The following ST14 variants were observed in gnomAD, a reference collection of about 807,000 sequenced individuals.
ST14 encodes ST14 transmembrane serine protease matriptase, also known as suppressor of tumorigenicity 14 protein.
A neutral mutation model predicts 96.5 loss-of-function variants in ST14; 40 were observed. The observed-to-expected ratio is 0.41, with a 90% CI of 0.32 to 0.54. The LOEUF (loss-of-function observed/expected upper bound fraction) is 0.54. Among genes scored for constraint, ST14 ranks in the 20% least tolerant of loss-of-function variants. The probability of loss-of-function intolerance (pLI) is 0.17; values close to 1 mark genes in which losing one functional copy is unlikely to be tolerated. For missense variants in ST14, 1,066 were observed against 1,188.9 expected (o/e 0.90, Z 1.52); for synonymous variants, 506 against 492.1 (o/e 1.03, Z -0.37).
intron 6 of ST14, 46 bp from the exon 7 acceptor site, chr11:130,190,408 C>T (rs2926820): frequency 7.5e-6 from 12 of 1,602,602 alleles, no homozygotes; most frequent in African/African-American, 6.7e-5. Flanking sequence ...CCCAGCTCTG[C>T]CCAGCCCTGC....
At chr11:130,191,497 C>G (rs1422969789) in intron 7 of ST14, among the ~76,000 whole-genome samples, 1 of 151,880 alleles carries the variant, frequency 6.6e-6, no homozygotes, top group African/African-American at 2.4e-5. Context: ...TGAGACCAGT[C>G]AAGCCAACCT....
chr11:130,183,310 G>A (rs1037377713), intron 1 of ST14, among the ~76,000 whole-genome samples: 7 of 152,296 alleles, frequency 4.6e-5, no homozygotes, highest in Middle Eastern at 6.8e-3. Context: ...GAGTGTAGCC[G>A]AAATCTGTGT....
rs924659838 is a variant in ST14 at position 130,188,784 on chromosome 11, G to A, written c.370-85G>A. On this transcript the variant is annotated intron_variant, in intron 3 of 18. Transcript: ENST00000278742. The surrounding 1 kb of genome is among the most constrained non-coding windows in gnomAD (Gnocchi z 5.4). ...TGGGGGTGATCTGCAAAGGGGACCC[G>A]GGCCCTGGAGGGGAGGGAGCAGCCC... The A allele has an allele frequency of 2.4e-5, 39 of 1,601,700 alleles. No individual in the cohort carries two copies. The highest frequency in any genetic ancestry group is 6.7e-5 in the East Asian group (3 of 44,676).
At chr11:130,182,470 A>T (rs1417874009) in intron 1 of ST14, among the ~76,000 whole-genome samples, 8 of 151,424 alleles carry the variant, frequency 5.3e-5, no homozygotes. Flanking sequence ...CTACAGGTGC[A>T]TGCTGCCATG....
intron 16 of ST14, among the ~76,000 whole-genome samples, chr11:130,201,925 C>A (rs878032): frequency 9.5e-4 from 145 of 152,320 alleles, no homozygotes; most frequent in African/African-American, 3.4e-3. Flanking sequence ...TGATATGCCC[C>A]ATTCTTTCCT....
intron 6 of ST14, 110 bp from the exon 7 acceptor site, chr11:130,190,344 C>G (rs115543135): frequency 6.4e-7 from 1 of 1,553,500 alleles, no homozygotes; most frequent in Non-Finnish European, 8.7e-7. Context: ...CAGCCTGGGG[C>G]GTCTCGAAGG....
At chr11:130,190,971 G>C (rs1480527327) in intron 7 of ST14, among the ~76,000 whole-genome samples, 1 of 152,242 alleles carries the variant, frequency 6.6e-6, no homozygotes, top group East Asian at 1.9e-4. Context: ...CCGCCGGAGA[G>C]AAGGCACTGC....
At position 130,209,502 on chromosome 11, in the gene ST14, A is replaced by G; in HGVS notation, c.2330A>G (p.Glu777Gly). The change falls in exon 18 of 19, where the codon GAG (glutamate) becomes GGG (glycine). Residue 777 changes from glutamate to glycine, a missense_variant. Transcript: ENST00000278742. ...CGCGTCATCAACCAGACCACCTGCG[A>G]GAACCTCCTGCCGCAGCAGATCACG... ...EIRVINQTTC[E>G]NLLPQQITPR... 6.3e-7 allele frequency: 1 copy of G among 1,585,796 alleles called. No individual in the cohort carries two copies. Among genetic ancestry groups the G allele is most frequent in the Non-Finnish European group, 8.6e-7 (1 of 1,166,226 alleles).
Position 130,188,812 on chromosome 11 carries a change from G to A in ST14, c.370-57G>A. On this transcript the variant is annotated intron_variant, in intron 3 of 18. Transcript: ENST00000278742. This position sits in a 1 kb window ranked among gnomAD's most constrained non-coding sequence, Gnocchi z 5.4. ...CCCTGGAGGGGAGGGAGCAGCCCGG[G>A]CTTGGGGCAGGGTCATCGCCGCATG... is the stretch of plus-strand genomic sequence containing the variant. 5.0e-6 allele frequency: 8 copies of A among 1,604,618 alleles called. No individual in the cohort carries two copies. The highest frequency in any genetic ancestry group is 6.0e-6 in the Non-Finnish European group (7 of 1,174,754).
rs1304126716 is a variant in ST14, at chr11:130,190,616, C to T, written c.797C>T (p.Ala266Val). ...LSLTFRSFDL[A>V]SCDERGSDLV... is the part of the protein sequence containing the mutation. ...CTCACCTTCCGCAGCTTTGACCTTGCGTCCTGCGACGAGCGCGGCAGCGAC... is the reference window on the plus strand; with the variant it reads ...CTCACCTTCCGCAGCTTTGACCTTGTGTCCTGCGACGAGCGCGGCAGCGAC... The change falls in exon 7 of 19, where the codon GCG (alanine) becomes GTG (valine). Residue 266 changes from alanine to valine, a missense_variant. Transcript: ENST00000278742. The T allele has an allele frequency of 6.8e-6, 11 of 1,612,574 alleles. No homozygotes were observed. The highest frequency in any genetic ancestry group is 4.4e-5 in the South Asian group (4 of 90,950).
intron 1 of ST14, among the ~76,000 whole-genome samples, chr11:130,167,323 T>G (rs960328065): frequency 6.6e-6 from 1 of 152,236 alleles, no homozygotes; most frequent in Non-Finnish European, 1.5e-5. Flanking sequence ...ATTACCACAT[T>G]TAGGAAGCTT....
chr11:130,179,094 G>C (rs554422409), intron 1 of ST14, among the ~76,000 whole-genome samples: 1 of 152,336 alleles, frequency 6.6e-6, no homozygotes, highest in South Asian at 2.1e-4. Context: ...GTGACAGGAA[G>C]GGGTGAGCCT....
At chr11:130,175,567 G>A (rs1414475630) in intron 1 of ST14, among the ~76,000 whole-genome samples, 2 of 151,414 alleles carry the variant, frequency 1.3e-5, no homozygotes, top group African/African-American at 4.9e-5. Flanking sequence ...TTTTAGTAGA[G>A]ACGGGGTTTC....
intron 7 of ST14, among the ~76,000 whole-genome samples, chr11:130,192,622 C>T (rs966838950): frequency 1.3e-5 from 2 of 152,186 alleles, no homozygotes; most frequent in African/African-American, 4.8e-5. Flanking sequence ...GAACTCCTGA[C>T]CTCAGGCAAT....
Position 130,190,166 on chromosome 11 carries a change from C to T in ST14, c.634+18C>T, listed in dbSNP as rs1457681697. 1.2e-6 allele frequency: 2 copies of T among 1,614,086 alleles called. No homozygotes were observed. Among genetic ancestry groups the T allele is most frequent in the African/African-American group, 1.3e-5 (1 of 74,938 alleles). On this transcript the variant is annotated intron_variant, in intron 6 of 18. Transcript: ENST00000278742. Reference sequence around the variant, plus strand: ...CCAGGACAGTAAGTATCGTGCCCGCCTCCTCTTCTGGGTGGGGAAGAGGCG... The same window carrying T: ...CCAGGACAGTAAGTATCGTGCCCGCTTCCTCTTCTGGGTGGGGAAGAGGCG...
At position 130,194,669 on chromosome 11, in the gene ST14, G is replaced by A. The variant is rs1953339766; in HGVS notation, c.1045G>A (p.Gly349Arg). The A allele has an allele frequency of 2.5e-6, 4 of 1,614,156 alleles. No homozygotes were observed. In the East Asian group the frequency reaches 8.9e-5, roughly 36 times the overall value. Residue 349 changes from glycine (G) to arginine (R), a missense_variant, in exon 9 of 19, where the codon GGG becomes AGG. Coordinates refer to ENST00000278742, the MANE Select transcript of ST14 (RefSeq NM_021978.4). ...SCGGRLRKAQ[G>R]TFNSPYYPGH... Reference sequence around the variant, plus strand: ...TGGAGGCCGCTTACGTAAAGCCCAGGGGACATTCAACAGCCCCTACTACCC... The same window carrying A: ...TGGAGGCCGCTTACGTAAAGCCCAGAGGACATTCAACAGCCCCTACTACCC...
chr11:130,174,647 G>GC (rs1163986840), intron 1 of ST14, among the ~76,000 whole-genome samples: 3 of 152,168 alleles, frequency 2.0e-5, no homozygotes, highest in Non-Finnish European at 2.9e-5. Flanking sequence ...AAGGTGTTTT[G>GC]CTTGATAAAT....
At chr11:130,165,913 T>C (rs1305232352) in intron 1 of ST14, among the ~76,000 whole-genome samples, 2 of 152,212 alleles carry the variant, frequency 1.3e-5, no homozygotes, top group South Asian at 2.1e-4. Flanking sequence ...CATGCCATTA[T>C]AAAATTGTGT....
At chr11:130,165,730 C>A (rs916289724) in intron 1 of ST14, among the ~76,000 whole-genome samples, 2 of 152,158 alleles carry the variant, frequency 1.3e-5, no homozygotes, top group East Asian at 3.9e-4. Flanking sequence ...CACTAAATAT[C>A]TGCACTTCAA....
Sources: allele counts gnomAD v4.1 joint callset (sites outside exome capture counted in the v4.1 genomes callset), GRCh38; gene constraint gnomAD v4.1.1; non-coding constraint Gnocchi (gnomAD v3.1); transcripts MANE v1.5; gene names NCBI Gene and HGNC (gene_info 2026-07-23, HGNC 2026-07-21).